Variants in MICAL2 observed in about 807,000 individuals in gnomAD.
MICAL2 encodes the protein [F-actin]-monooxygenase MICAL2.
In MICAL2, 77 loss-of-function variants were observed where a neutral mutation model predicts 127.3. The observed-to-expected ratio is 0.60, with a 90% CI of 0.50 to 0.73. MICAL2 has a LOEUF of 0.73. Ranked by LOEUF, MICAL2 falls within the 30% of genes least tolerant of loss-of-function variation. The pLI is 0.00. For missense variants in MICAL2, 1,351 were observed against 1,434.4 expected (o/e 0.94, Z 0.94); for synonymous variants, 570 against 551.1 (o/e 1.03, Z -0.48).
chr11:12,288,055 A>G (rs1863848744), downstream of MICAL2, among the ~76,000 whole-genome samples: 1 of 152,278 alleles, frequency 6.6e-6, no homozygotes, highest in African/African-American at 2.4e-5. Context: ...CCAGTGAGTC[A>G]TTCCCCCACC....
chr11:12,295,118 A>C (rs1183104249), downstream of MICAL2, among the ~76,000 whole-genome samples: 1 of 148,386 alleles, frequency 6.7e-6, no homozygotes, highest in Non-Finnish European at 1.5e-5. Flanking sequence ...AATATTTTTT[A>C]CTAAGTTGTA....
rs1287965781 is a variant in MICAL2 at position 12,242,445 on chromosome 11, CT to C, written c.2556+18del. 2.5e-6 allele frequency: 4 copies of C among 1,589,688 alleles called. No homozygotes were observed. In the East Asian group the frequency reaches 9.0e-5, roughly 36 times the overall value. On this transcript the variant is annotated intron_variant, in intron 19 of 27. Transcript: ENST00000683283. ...AAAGATTCTCCAGGTGAGAGACTCA[CT>C]TTTTGCCCGTCTCTGTCCGTGTCTG...
intron 6 of MICAL2, among the ~76,000 whole-genome samples, chr11:12,210,709 T>C (rs1422452151): frequency 6.6e-6 from 1 of 152,166 alleles, no homozygotes; most frequent in Non-Finnish European, 1.5e-5. Flanking sequence ...AGCTTGAGTA[T>C]AGTTGGGCAT....
intron 29 of MICAL2, among the ~76,000 whole-genome samples, chr11:12,301,552 A>G (rs1864047224): frequency 6.6e-6 from 1 of 152,204 alleles, no homozygotes; most frequent in Non-Finnish European, 1.5e-5. Context: ...TAAAACAGTA[A>G]GGGCAGATTT....
intron 29 of MICAL2, among the ~76,000 whole-genome samples, chr11:12,298,648 A>G (rs1000089213): frequency 6.6e-6 from 1 of 152,176 alleles, no homozygotes; most frequent in Non-Finnish European, 1.5e-5. Context: ...ATATTTTATC[A>G]TTTGGAGGAA....
chr11:12,351,526 AC>A (rs1339892544), intron 33 of MICAL2, among the ~76,000 whole-genome samples: 2 of 152,152 alleles, frequency 1.3e-5, no homozygotes. Flanking sequence ...GGGTTAAGAA[AC>A]CTTGCCCTAG....
intron 29 of MICAL2, among the ~76,000 whole-genome samples, chr11:12,302,892 A>C (rs781688033): frequency 6.6e-6 from 1 of 152,332 alleles, no homozygotes; most frequent in South Asian, 2.1e-4. Context: ...TCACACTGCT[A>C]TGAAGAAATA....
At chr11:12,303,246 G>C (rs1864069607) in intron 29 of MICAL2, among the ~76,000 whole-genome samples, 1 of 152,092 alleles carries the variant, frequency 6.6e-6, no homozygotes. Flanking sequence ...TATTGCTGTT[G>C]ACGTTTGCAT....
intron 2 of MICAL2, among the ~76,000 whole-genome samples, chr11:12,285,124 G>GGTCAGAGATGAACTCATAGGGA (rs1863811142): frequency 6.6e-6 from 1 of 152,192 alleles, no homozygotes; most frequent in Admixed American, 6.5e-5. Flanking sequence ...TGATTGGTCA[G>GGTCAGAGATGAACTCATAGGGA]GTCAGAGATG....
chr11:12,232,499 G>C (rs575078125), intron 15 of MICAL2, among the ~76,000 whole-genome samples: 6 of 152,300 alleles, frequency 3.9e-5, no homozygotes, highest in African/African-American at 1.2e-4. Flanking sequence ...GAGGTGGGCA[G>C]ATTGCTTGAG....
downstream of MICAL2, chr11:12,287,374 C>T (rs373686229): frequency 3.8e-5 from 14 of 365,396 alleles, no homozygotes; most frequent in African/African-American, 2.3e-4. Flanking sequence ...TCTTCCCATC[C>T]CCCTCCACCC....
chr11:12,192,413 A>G (rs1447312162), intron 3 of MICAL2, among the ~76,000 whole-genome samples: 1 of 152,198 alleles, frequency 6.6e-6, no homozygotes, highest in Non-Finnish European at 1.5e-5. Context: ...CACAGTGTCC[A>G]TGTCCCCAAA....
At chr11:12,334,327 T>A (rs1342819012) in intron 32 of MICAL2, among the ~76,000 whole-genome samples, 3 of 152,132 alleles carry the variant, frequency 2.0e-5, no homozygotes, top group African/African-American at 7.2e-5. Flanking sequence ...ACAGTGTAAA[T>A]GTTGTGTAAA....
chr11:12,287,070 CCTTT>C (rs1590721554), intron 2 of MICAL2: 1 of 398,912 alleles, frequency 2.5e-6, no homozygotes, highest in South Asian at 1.3e-4. Context: ...CTTCCCTGTC[CCTTT>C]CTTTTTCCAC....
chr11:12,285,025 T>G (rs1863809906), intron 2 of MICAL2, among the ~76,000 whole-genome samples: 1 of 152,232 alleles, frequency 6.6e-6, no homozygotes, highest in Admixed American at 6.5e-5. Flanking sequence ...CAGAATTTTA[T>G]TATTACTTAA....
At chr11:12,327,691 G>A (rs1464129767) in intron 32 of MICAL2, among the ~76,000 whole-genome samples, 2 of 150,778 alleles carry the variant, frequency 1.3e-5, no homozygotes, top group African/African-American at 2.4e-5. Context: ...CTACCTGTAC[G>A]ACCTTGGGCC....
chr11:12,162,461 G>A, intron 3 of MICAL2, 42 bp downstream of exon 3: 2 of 1,605,178 alleles, frequency 1.2e-6, no homozygotes, highest in Non-Finnish European at 1.7e-6. Context: ...CAGGGCGTGT[G>A]GGTTGACATT....
chr11:12,295,448 T>TTC (rs1555018784), downstream of MICAL2, among the ~76,000 whole-genome samples: 1 of 108,770 alleles, frequency 9.2e-6, no homozygotes, highest in Non-Finnish European at 2.3e-5. Context: ...CCTCTTTTTT[T>TTC]TTTTTTTTTC....
At chr11:12,223,526 G>T in intron 12 of MICAL2, 25 bp downstream of exon 12, 2 of 1,603,524 alleles carry the variant, frequency 1.2e-6, no homozygotes, top group Non-Finnish European at 1.7e-6. Context: ...TGGGACCCTG[G>T]TGGGTGGCTG....
Sources: gnomAD v4.1 joint callset for allele counts (sites outside exome capture counted in the v4.1 genomes callset) on GRCh38, gnomAD v4.1.1 for gene constraint, MANE v1.5 for transcripts, NCBI Gene and HGNC (gene_info 2026-07-23, HGNC 2026-07-21) for gene names.